The following FN1 variants were observed in gnomAD, a reference collection of about 807,000 sequenced individuals.
The protein encoded by FN1 is fibronectin 1, also known as fibronectin.
FN1 carries 106 observed loss-of-function variants against 297.3 expected under a neutral mutation model. That is an observed-to-expected ratio of 0.36 (90% CI 0.30 to 0.42). The LOEUF is 0.42. Among genes scored for constraint, FN1 ranks in the 10% least tolerant of loss-of-function variants. The pLI is 1.00. For missense variants in FN1, 2,690 were observed against 3,124.9 expected, an observed-to-expected ratio of 0.86 and a Z score of 3.32; for synonymous variants, 1,149 against 1,152.6, an observed-to-expected ratio of 1.00 and a Z score of 0.06.
chr2:215,370,282 G>A lies in FN1; in HGVS notation c.6853+12C>T, dbSNP rs111303746. The A allele has an allele frequency of 9.9e-6, 16 of 1,613,572 alleles. No homozygotes were observed. The highest frequency in any genetic ancestry group is 1.2e-5 in the Non-Finnish European group (14 of 1,179,732). On this transcript the variant is annotated intron_variant, in intron 41 of 45. Transcript: ENST00000354785. ...AGGGGAGCCTGTGTCTAAATAGTAC[G>A]TGTTTACATACCAGAGTTGCCCACG...
chr2:215,379,118 G>A lies in FN1; in HGVS notation c.5622+12C>T, dbSNP rs200539164. ...TCCATCTTTATTCCAATGAACAACG[G>A]TCATGTCTTACCATAAGTCCTGATA... On this transcript the variant is annotated intron_variant, in intron 34 of 45. Coordinates refer to ENST00000354785, the MANE Select transcript of FN1 (RefSeq NM_212482.4). 7.4e-6 allele frequency: 12 copies of A among 1,612,148 alleles called. No homozygotes were observed. The Admixed American group carries it at 1.5e-4, about 20-fold the overall frequency.
chr2:215,393,427 A>AAT lies in FN1; in HGVS notation c.3797-226_3797-225dup, dbSNP rs138259153. On this transcript the variant is annotated intron_variant, in intron 24 of 45. Transcript: ENST00000354785. Reference sequence around the variant, plus strand: ...AATAAACAGGAATATTCTTTTAGGGAATATATATATATATATATTTTTTAC... The same window carrying AAT: ...AATAAACAGGAATATTCTTTTAGGGAATATATATATATATATATATTTTTTAC... 93,119 of 191,422 alleles carry AAT rather than the reference A, an allele frequency of 0.49. 26,370 individuals carry two copies. Among genetic ancestry groups the AAT allele is most frequent in the African/African-American group, 0.6 (23,729 of 39,256 alleles). The allele number at this position is 191,422 out of a possible 1,614,324, so 11.9% of individuals were successfully genotyped here.
At chr2:215,398,367 TA>T (rs1446959673) in intron 21 of FN1, among the ~76,000 whole-genome samples, 1 of 152,208 alleles carries the variant, frequency 6.6e-6, no homozygotes, top group East Asian at 1.9e-4. Context: ...AGAATTAGAA[TA>T]ACTATGCCCA....
In FN1 at chr2:215,370,309, T is replaced by C. The variant is rs1559334221; in HGVS notation, c.6838A>G (p.Thr2280Ala). The part of the protein sequence containing the change: ...QRHKVREEVV[T>A]VGNSVNEGLN... ...GTTTACATACCAGAGTTGCCCACGG[T>C]AACAACCTCTTCCCGAACCTTATGC... is the stretch of plus-strand genomic sequence containing the variant. Residue 2280 changes from threonine to alanine, a missense_variant, in exon 41 of 46, where the codon ACC (threonine) becomes GCC (alanine). This residue lies in a region of FN1 where 1,743 missense variants were observed against 1,945.2 expected (regional missense o/e 0.90). Transcript: ENST00000354785. 1 of 1,613,926 alleles carries C rather than the reference T, an allele frequency of 6.2e-7. No individual in the cohort carries two copies.
At position 215,407,278 on chromosome 2, in the gene FN1, T is replaced by G; in HGVS notation, c.2562A>C (p.Thr854=). ...TTGCAGTTTCAGGAAGGTTGAGTTC[T>G]GTGCTGCTACCTTCTACTGATGGCG... is the stretch of plus-strand genomic sequence containing the variant. ...VYSPSVEGSS[T]ELNLPETANS... Residue 854 remains threonine, a synonymous_variant, in exon 18 of 46, where the codon ACA becomes ACC. Coordinates refer to ENST00000354785, the MANE Select transcript of FN1 (RefSeq NM_212482.4). 6.2e-7 allele frequency: 1 copy of G among 1,614,232 alleles called. No homozygotes were observed. Among genetic ancestry groups the G allele is most frequent in the Non-Finnish European group, 8.5e-7 (1 of 1,180,032 alleles).
At chr2:215,428,552 C>G (rs1381781878) in intron 5 of FN1, among the ~76,000 whole-genome samples, 1 of 152,188 alleles carries the variant, frequency 6.6e-6, no homozygotes, top group Non-Finnish European at 1.5e-5. Context: ...AGTTTCATCT[C>G]TCTGTCAAAT....
intron 2 of FN1, among the ~76,000 whole-genome samples, 193 bp from the exon 3 acceptor site, chr2:215,433,654 T>C (rs2066929333): frequency 6.6e-6 from 1 of 152,232 alleles, no homozygotes; most frequent in Admixed American, 6.5e-5. Flanking sequence ...CCTTGACATA[T>C]TGTCAAATTT....
intron 20 of FN1, among the ~76,000 whole-genome samples, chr2:215,401,499 G>A (rs1040091096): frequency 2.0e-5 from 3 of 152,270 alleles, no homozygotes; most frequent in Non-Finnish European, 2.9e-5. Context: ...TATCAAGTGT[G>A]TTCATAGCTC....
In FN1 at chr2:215,386,673, A is replaced by G. The variant is rs894052175; in HGVS notation, c.4612+16T>C. On this transcript the variant is annotated intron_variant, in intron 28 of 45. Coordinates refer to ENST00000354785, the MANE Select transcript of FN1 (RefSeq NM_212482.4). ...AGGAAAGTCTTCTGAGTTTCTTTGCAGACAAGAAAAGTTACCTGTTGATTG... is the reference window on the plus strand; with the variant it reads ...AGGAAAGTCTTCTGAGTTTCTTTGCGGACAAGAAAAGTTACCTGTTGATTG... The G allele has an allele frequency of 1.2e-6, 2 of 1,608,516 alleles. No homozygotes were observed. The highest frequency in any genetic ancestry group is 2.7e-5 in the African/African-American group (2 of 72,922).
At chr2:215,401,198 AAAAGAAAGAAAGAAAGAAAG>A (rs1168414564) in intron 20 of FN1, among the ~76,000 whole-genome samples, 2 of 86,780 alleles carry the variant, frequency 2.3e-5, no homozygotes, top group Non-Finnish European at 4.5e-5. Context: ...AGAAAGAAAG[AAAAGAAAGAAAGAAAGAAAG>A]AAAGAAAGAA....
rs376065820 is a variant in FN1, at chr2:215,383,308, G to A, written c.5050+20C>T. 14 of 1,613,346 alleles carry A rather than the reference G, an allele frequency of 8.7e-6. No individual in the cohort carries two copies. The highest frequency in any genetic ancestry group is 1.6e-4 in the Middle Eastern group (1 of 6,062). On this transcript the variant is annotated intron_variant, in intron 31 of 45. Transcript: ENST00000354785. ...TAGGAGTGAGCCACCGCACCTGGCC[G>A]AGATGCAGATGATTCTTACCTGGAC...
At chr2:215,418,527 A>G (rs527420428) in intron 12 of FN1, among the ~76,000 whole-genome samples, 1 of 152,338 alleles carries the variant, frequency 6.6e-6, no homozygotes, top group East Asian at 1.9e-4. Context: ...GCAGTTGCTC[A>G]AATAACTGAT....
chr2:215,391,923 A>G, intron 25 of FN1, 109 bp from the exon 26 acceptor site: 4 of 906,108 alleles, frequency 4.4e-6, no homozygotes, highest in African/African-American at 1.6e-5. Context: ...AAACAGAATC[A>G]TAATCATGCA....
chr2:215,367,286 G>A (rs2054830598), intron 42 of FN1, among the ~76,000 whole-genome samples: 1 of 152,180 alleles, frequency 6.6e-6, no homozygotes, highest in South Asian at 2.1e-4. Flanking sequence ...ATTAGAATTT[G>A]AAAATCAAAC....
intron 8 of FN1, 51 bp from the exon 9 acceptor site, chr2:215,423,577 C>T (rs1392308681): frequency 4.5e-6 from 7 of 1,545,114 alleles, no homozygotes; most frequent in Non-Finnish European, 6.2e-6. Context: ...GCTGAGCTTT[C>T]CAATGTACAC....
intron 1 of FN1, 90 bp downstream of exon 1, chr2:215,435,565 C>A (rs996904872): frequency 1.3e-6 from 2 of 1,558,694 alleles, no homozygotes; most frequent in African/African-American, 1.4e-5. Context: ...CTCGCACACA[C>A]GCGCGCGCAC....
chr2:215,417,174 C>T (rs533507613), intron 12 of FN1, among the ~76,000 whole-genome samples: 7 of 152,180 alleles, frequency 4.6e-5, no homozygotes, highest in African/African-American at 1.2e-4. Context: ...AGTCCTTTTT[C>T]GCTACTGGTA....
chr2:215,384,326 G>C, intron 29 of FN1, 142 bp from the exon 30 acceptor site: 1 of 782,530 alleles, frequency 1.3e-6, no homozygotes, highest in Non-Finnish European at 2.2e-6. Flanking sequence ...ATCTTGAACA[G>C]AAAGGGGTAT....
At position 215,401,183 on chromosome 2, in the gene FN1, GAGAGAGAAAGAAAGAAAAGAA is replaced by G. The variant is rs2060977563; in HGVS notation, c.3254-1853_3254-1833del. The stretch of plus-strand genomic sequence containing the variant: ...AGAAAGAAAGAAAGAGAGAGAGAGT[GAGAGAGAAAGAAAGAAAAGAA>G]AGAAAGAAAGAAAGAAAGAAAGAAA... On this transcript the variant is annotated intron_variant, in intron 20 of 45. Transcript: ENST00000354785. Among the ~76,000 whole-genome samples, 8 of 132,668 alleles carry G rather than the reference GAGAGAGAAAGAAAGAAAAGAA, an allele frequency of 6.0e-5. No homozygotes were observed. In the Admixed American group the frequency reaches 6.4e-4, roughly 11 times the overall value. 87.0% of individuals were successfully genotyped at this position (132,668 alleles called of 152,430 possible).
Sources: gnomAD v4.1 joint callset for allele counts (sites outside exome capture counted in the v4.1 genomes callset) on GRCh38, gnomAD v4.1.1 for gene constraint, gnomAD v4.1.1 regional missense constraint, MANE v1.5 for transcripts, NCBI Gene and HGNC (gene_info 2026-07-23, HGNC 2026-07-21) for gene names.